The following RANBP17 variants were observed in gnomAD, a reference collection of about 807,000 sequenced individuals.
The protein encoded by RANBP17 is ran-binding protein 17.
In RANBP17, 158 loss-of-function variants were observed where a neutral mutation model predicts 141.2. That is an observed-to-expected ratio of 1.12 (90% CI 0.98 to 1.28). The LOEUF (loss-of-function observed/expected upper bound fraction) is 1.28. Ranked by LOEUF, RANBP17 falls within the 50% of genes most tolerant of loss-of-function variation. RANBP17 has a pLI of 0.00. For missense variants in RANBP17, 1,438 were observed against 1,290.7 expected (o/e 1.11, Z -1.75); for synonymous variants, 430 against 450.0 (o/e 0.96, Z 0.56).
At chr5:171,078,555 G>A (rs1785078345) in intron 14 of RANBP17, among the ~76,000 whole-genome samples, 1 of 152,202 alleles carries the variant, frequency 6.6e-6, no homozygotes, top group African/African-American at 2.4e-5. Flanking sequence ...TGCCTGGCTT[G>A]AAAGCTTCAA....
At chr5:170,963,071 G>A (rs1198345244) in intron 13 of RANBP17, among the ~76,000 whole-genome samples, 2 of 152,132 alleles carry the variant, frequency 1.3e-5, no homozygotes. Context: ...ATTAAAAACA[G>A]TGCTTTGGAA....
At chr5:171,178,695 TTTTTAA>T (rs1490355873) in intron 16 of RANBP17, among the ~76,000 whole-genome samples, 4 of 152,184 alleles carry the variant, frequency 2.6e-5, no homozygotes, top group African/African-American at 9.7e-5. Flanking sequence ...GTTTCCTGAC[TTTTTAA>T]TGATCACCAT....
At chr5:170,993,346 C>G (rs1266113445) in intron 14 of RANBP17, among the ~76,000 whole-genome samples, 2 of 152,012 alleles carry the variant, frequency 1.3e-5, no homozygotes, top group African/African-American at 4.8e-5. Context: ...TGTAACTATT[C>G]CCTGTTCCTG....
chr5:171,016,092 G>T (rs1780404147), intron 14 of RANBP17, among the ~76,000 whole-genome samples: 4 of 151,636 alleles, frequency 2.6e-5, no homozygotes, highest in Admixed American at 2.6e-4. Flanking sequence ...AACTTAAAAA[G>T]AGTCTGCTGG....
chr5:171,069,365 C>T (rs1784502539), intron 14 of RANBP17, among the ~76,000 whole-genome samples: 2 of 152,082 alleles, frequency 1.3e-5, no homozygotes, highest in Admixed American at 6.6e-5. Context: ...TGAAATTTAC[C>T]AGCTTCTTTA....
chr5:170,930,565 C>G (rs1252473485), intron 12 of RANBP17, among the ~76,000 whole-genome samples: 1 of 152,028 alleles, frequency 6.6e-6, no homozygotes, highest in African/African-American at 2.4e-5. Context: ...CCCCGCTCCC[C>G]CCACTCCCCG....
At chr5:170,862,101 G>A (rs1766832551) in intron 1 of RANBP17, 50 bp downstream of exon 1, 3 of 1,428,324 alleles carry the variant, frequency 2.1e-6, no homozygotes, top group Non-Finnish European at 2.7e-6. Flanking sequence ...CTGGGAACCC[G>A]GCGGGACGCG....
chr5:170,961,445 A>G (rs561386357), intron 13 of RANBP17, among the ~76,000 whole-genome samples: 5 of 152,352 alleles, frequency 3.3e-5, no homozygotes, highest in African/African-American at 1.2e-4. Flanking sequence ...AAATAATTTA[A>G]GATAAACGAA....
rs185976536 is a variant in RANBP17 at position 171,121,338 on chromosome 5, G to A, written c.1711-48792G>A. The stretch of plus-strand genomic sequence containing the variant: ...GGGCAGCCTGTGGGGCTGCTATTCA[G>A]GCCTGGAACGCAAGTGCGAGGCTGC... On this transcript the variant is annotated intron_variant, in intron 14 of 27. Transcript: ENST00000523189. Among the ~76,000 whole-genome samples the A allele has an allele frequency of 9.8e-5, 15 of 152,342 alleles. No homozygotes were observed. In the East Asian group the frequency reaches 2.9e-3, roughly 29 times the overall value.
intron 25 of RANBP17, among the ~76,000 whole-genome samples, chr5:171,277,062 G>C (rs1767534508): frequency 6.7e-6 from 1 of 149,894 alleles, no homozygotes; most frequent in African/African-American, 2.4e-5. Flanking sequence ...AGTGATTTTT[G>C]GTTTGTCTTT....
chr5:171,013,086 C>T (rs1381024442), intron 14 of RANBP17, among the ~76,000 whole-genome samples: 2 of 152,110 alleles, frequency 1.3e-5, no homozygotes, highest in Admixed American at 6.6e-5. Context: ...TGTATGTGTA[C>T]GTTCAGCTTA....
At chr5:170,928,239 A>G (rs560642789) in intron 12 of RANBP17, among the ~76,000 whole-genome samples, 1 of 152,064 alleles carries the variant, frequency 6.6e-6, no homozygotes, top group Non-Finnish European at 1.5e-5. Context: ...AGTGCTTTAT[A>G]TGCTCTGTAT....
intron 14 of RANBP17, among the ~76,000 whole-genome samples, chr5:171,053,834 G>A (rs1211637229): frequency 2.1e-5 from 3 of 141,934 alleles, no homozygotes; most frequent in Non-Finnish European, 4.5e-5. Context: ...ACCATTGAAT[G>A]TGATGTTAGC....
chr5:171,238,547 C>T (rs569739072), intron 22 of RANBP17, among the ~76,000 whole-genome samples: 9 of 152,200 alleles, frequency 5.9e-5, no homozygotes, highest in Admixed American at 1.3e-4. Context: ...TCACTTTTAC[C>T]CTGGCCTTCC....
intron 14 of RANBP17, among the ~76,000 whole-genome samples, chr5:170,972,771 A>G (rs1777085861): frequency 6.6e-6 from 1 of 152,276 alleles, no homozygotes; most frequent in Non-Finnish European, 1.5e-5. Context: ...AGATATTATT[A>G]GGTTGCCTTC....
At chr5:170,914,417 C>T (rs1346990795) in intron 8 of RANBP17, among the ~76,000 whole-genome samples, 177 bp downstream of exon 8, 7 of 152,058 alleles carry the variant, frequency 4.6e-5, no homozygotes, top group Non-Finnish European at 8.8e-5. Context: ...TTTGTTTTGT[C>T]AACGTTACAT....
chr5:170,936,678 C>T (rs1019021772), intron 12 of RANBP17, among the ~76,000 whole-genome samples: 4 of 152,068 alleles, frequency 2.6e-5, no homozygotes, highest in Non-Finnish European at 4.4e-5. Context: ...AGCATATACA[C>T]TTGAAAAGAA....
Position 170,910,965 on chromosome 5 carries a change from T to G in RANBP17, c.595-4T>G, listed in dbSNP as rs768612205. ...TGTTTTCTTTGATTTTGTACTTTTTTCAGGTGTTTGCCAAACCTTTAAATC... is the reference window on the plus strand; with the variant it reads ...TGTTTTCTTTGATTTTGTACTTTTTGCAGGTGTTTGCCAAACCTTTAAATC... On this transcript the variant is annotated splice_region_variant and splice_polypyrimidine_tract_variant and intron_variant, in intron 6 of 27. Coordinates refer to ENST00000523189, the MANE Select transcript of RANBP17 (RefSeq NM_022897.5). 69 of 1,609,468 alleles carry G rather than the reference T, an allele frequency of 4.3e-5. No individual in the cohort carries two copies. Among genetic ancestry groups the G allele is most frequent in the Non-Finnish European group, 5.5e-5 (65 of 1,177,866 alleles).
Position 171,296,586 on chromosome 5 carries a change from C to G in RANBP17, c.3170+572C>G, listed in dbSNP as rs905084642. ...GCATATAACAAAATATTGCATGTAC[C>G]CCATAATGATGTAAAAATATTATGT... On this transcript the variant is annotated intron_variant, in intron 27 of 27. Transcript: ENST00000523189. 7.2e-5 allele frequency among the ~76,000 whole-genome samples: 11 copies of G among 152,126 alleles called. 1 individual carries two copies. Among genetic ancestry groups the G allele is most frequent in the Non-Finnish European group, 4.4e-5 (3 of 68,016 alleles).
Sources: gnomAD v4.1 joint callset for allele counts (sites outside exome capture counted in the v4.1 genomes callset) on GRCh38, gnomAD v4.1.1 for gene constraint, MANE v1.5 for transcripts, NCBI Gene and HGNC (gene_info 2026-07-23, HGNC 2026-07-21) for gene names.